ATOSA: variants seen among roughly 807,000 people sequenced by gnomAD.
ATOSA encodes the protein atos homolog protein A.
the ATOSA span, among the ~76,000 whole-genome samples, chr15:52,709,552 C>A: frequency 2.0e-5 from 3 of 152,138 alleles, no homozygotes; most frequent in Non-Finnish European, 4.4e-5. Context: ...TGTATGTTCC[C>A]AAGACTGCAC....
the ATOSA span, among the ~76,000 whole-genome samples, chr15:52,621,521 T>C: frequency 6.6e-6 from 1 of 152,370 alleles, no homozygotes; most frequent in East Asian, 1.9e-4. Context: ...AAATCCCACT[T>C]TGAATTGTAA....
At chr15:52,623,432 G>A in the ATOSA span, among the ~76,000 whole-genome samples, 2 of 151,960 alleles carry the variant, frequency 1.3e-5, no homozygotes, top group African/African-American at 2.4e-5. Context: ...GGGATCGCAC[G>A]CATTTGGATA....
chr15:52,695,402 C>T, the ATOSA span, among the ~76,000 whole-genome samples: 1 of 152,228 alleles, frequency 6.6e-6, no homozygotes, highest in African/African-American at 2.4e-5. Flanking sequence ...TACAGGATGA[C>T]TCACAGATCC....
At chr15:52,689,466 A>G in the ATOSA span, among the ~76,000 whole-genome samples, 3 of 152,240 alleles carry the variant, frequency 2.0e-5, no homozygotes, top group African/African-American at 7.2e-5. Flanking sequence ...ATGAATATGA[A>G]ATAAAATCAG....
At chr15:52,630,738 AAAG>A in the ATOSA span, among the ~76,000 whole-genome samples, 1 of 152,220 alleles carries the variant, frequency 6.6e-6, no homozygotes, top group Non-Finnish European at 1.5e-5. Context: ...AAGAATGTTC[AAAG>A]AAGCACTGTC....
chr15:52,630,621 A>AGG, the ATOSA span, among the ~76,000 whole-genome samples: 1 of 152,222 alleles, frequency 6.6e-6, no homozygotes, highest in Non-Finnish European at 1.5e-5. Flanking sequence ...ACTTTCAAAA[A>AGG]TAACCTGGCA....
the ATOSA span, among the ~76,000 whole-genome samples, chr15:52,697,957 A>ATATTTTTTTTTTT: frequency 2.2e-5 from 1 of 44,736 alleles, no homozygotes; most frequent in Non-Finnish European, 4.0e-5. Flanking sequence ...GGGATGTAGA[A>ATATTTTTTTTTTT]TTTTTTTTTT....
At chr15:52,593,143 C>CAA in the ATOSA span, among the ~76,000 whole-genome samples, 1,461 of 127,422 alleles carry the variant, frequency 0.011, 24 homozygotes, top group African/African-American at 0.041. Flanking sequence ...GAGATGCTGT[C>CAA]AAAAAAAAAA....
chr15:52,592,073 C>T, the ATOSA span, among the ~76,000 whole-genome samples: 75 of 152,248 alleles, frequency 4.9e-4, no homozygotes, highest in Non-Finnish European at 9.3e-4. Flanking sequence ...AATGAGTAGG[C>T]CACATATAGG....
the ATOSA span, among the ~76,000 whole-genome samples, chr15:52,695,029 A>G: frequency 3.3e-5 from 5 of 151,474 alleles, no homozygotes; most frequent in South Asian, 4.2e-4. Context: ...GGTTCAGGCA[A>G]TTATCATGCC....
chr15:52,609,392 A>G, the ATOSA span: 5 of 1,613,792 alleles, frequency 3.1e-6, no homozygotes, highest in Non-Finnish European at 4.2e-6. Flanking sequence ...TGCATGTTGA[A>G]TGACTGCCGG....
At chr15:52,699,216 T>C in the ATOSA span, among the ~76,000 whole-genome samples, 1 of 152,200 alleles carries the variant, frequency 6.6e-6, no homozygotes, top group Non-Finnish European at 1.5e-5. Context: ...TTTTGTTTAC[T>C]GTCTACTTAC....
chr15:52,604,622 G>A, the ATOSA span, among the ~76,000 whole-genome samples: 1 of 152,176 alleles, frequency 6.6e-6, no homozygotes, highest in Non-Finnish European at 1.5e-5. Flanking sequence ...ATTTACATAT[G>A]AGGAAACTGA....
chr15:52,708,011 C>G, the ATOSA span, among the ~76,000 whole-genome samples: 1 of 152,124 alleles, frequency 6.6e-6, no homozygotes, highest in African/African-American at 2.4e-5. Flanking sequence ...GAGGCTGAAA[C>G]CTCAGGAGGC....
At chr15:52,593,508 T>A in the ATOSA span, 2 of 1,413,600 alleles carry the variant, frequency 1.4e-6, no homozygotes, top group Non-Finnish European at 9.6e-7. Context: ...AAGTACTGCA[T>A]CAAAGCACTT....
the ATOSA span, among the ~76,000 whole-genome samples, chr15:52,600,608 C>T: frequency 6.6e-6 from 1 of 152,056 alleles, no homozygotes; most frequent in African/African-American, 2.4e-5. Context: ...TACACACATC[C>T]TAAAAGGTTT....
the ATOSA span, chr15:52,601,023 G>T: frequency 9.8e-7 from 1 of 1,016,584 alleles, no homozygotes; most frequent in Non-Finnish European, 1.5e-6. Context: ...ATTATTTATT[G>T]TTAAAGACCA....
chr15:52,655,788 C>T, the ATOSA span, among the ~76,000 whole-genome samples: 180 of 152,198 alleles, frequency 1.2e-3, 8 homozygotes, highest in South Asian at 0.036. Flanking sequence ...CTTAAAGCAG[C>T]AAGACATAAA....
At chr15:52,660,154 G>C in the ATOSA span, among the ~76,000 whole-genome samples, 1 of 152,178 alleles carries the variant, frequency 6.6e-6, no homozygotes, top group African/African-American at 2.4e-5. Flanking sequence ...TAGTTGTTGA[G>C]CAAGCAACAG....
Sources: gnomAD v4.1 joint callset for allele counts (sites outside exome capture counted in the v4.1 genomes callset) on GRCh38, gnomAD v4.1.1 for gene constraint, MANE v1.5 for transcripts, NCBI Gene and HGNC (gene_info 2026-07-23, HGNC 2026-07-21) for gene names.